The following KCNMB2 variants were observed in gnomAD, a reference collection of about 807,000 sequenced individuals.
The protein encoded by KCNMB2 is calcium-activated potassium channel subunit beta-2.
In KCNMB2, 9 loss-of-function variants were observed where a neutral mutation model predicts 24.5. The observed-to-expected ratio is 0.37, with a 90% CI of 0.22 to 0.64. The LOEUF is 0.64. KCNMB2 is among the 30% of genes least tolerant of loss of function. KCNMB2 has a pLI of 0.63. For synonymous variants in KCNMB2, 109 were observed against 104.4 expected, an observed-to-expected ratio of 1.04 and a Z score of -0.27; for missense variants, 226 against 284.3, an observed-to-expected ratio of 0.79 and a Z score of 1.47.
intron 3 of KCNMB2, 132 bp from the exon 4 acceptor site, chr3:178,828,046 A>T: frequency 1.4e-6 from 1 of 706,158 alleles, no homozygotes; most frequent in Non-Finnish European, 2.4e-6. Context: ...CCTAAACTTT[A>T]CACAGATAGA....
rs963958086 is a variant in KCNMB2 at position 178,553,497 on chromosome 3, C to G, written c.-68+16786C>G. Among the ~76,000 whole-genome samples, 3 of 150,752 alleles carry G rather than the reference C, an allele frequency of 2.0e-5. No homozygotes were observed. In the East Asian group the frequency reaches 5.8e-4, roughly 29 times the overall value. On this transcript the variant is annotated intron_variant, in intron 1 of 4. Transcript: ENST00000452583. ...GAGAGTTTTTGGCTGAGGAATGTCA[C>G]TCAGCACTGAGCATTCTCTGATCAG...
chr3:178,733,681 A>G (rs1021287287), intron 1 of KCNMB2, among the ~76,000 whole-genome samples: 3 of 151,920 alleles, frequency 2.0e-5, no homozygotes, highest in Non-Finnish European at 4.4e-5. Flanking sequence ...GGGTTTCGCC[A>G]TGTTAGCTAG....
At chr3:178,578,272 CA>C (rs1219780898) in intron 1 of KCNMB2, among the ~76,000 whole-genome samples, 1 of 152,180 alleles carries the variant, frequency 6.6e-6, no homozygotes, top group African/African-American at 2.4e-5. Flanking sequence ...CATATCCTGC[CA>C]AACTAAGCTT....
At chr3:178,612,639 A>T (rs1577048356) in intron 1 of KCNMB2, among the ~76,000 whole-genome samples, 2 of 152,202 alleles carry the variant, frequency 1.3e-5, no homozygotes, top group East Asian at 3.9e-4. Context: ...TCATAGATGT[A>T]GTATTTCCTG....
At chr3:178,714,508 G>T (rs571556887) in intron 1 of KCNMB2, among the ~76,000 whole-genome samples, 1 of 152,320 alleles carries the variant, frequency 6.6e-6, no homozygotes, top group Non-Finnish European at 1.5e-5. Context: ...GGTGATGACT[G>T]GGGAGGGTTC....
chr3:178,723,080 T>G (rs1460860250), intron 1 of KCNMB2, among the ~76,000 whole-genome samples: 1 of 152,194 alleles, frequency 6.6e-6, no homozygotes, highest in East Asian at 1.9e-4. Context: ...CATTCATCTA[T>G]GTGTCTATCC....
intron 1 of KCNMB2, among the ~76,000 whole-genome samples, chr3:178,608,975 T>C (rs779274401): frequency 6.6e-6 from 1 of 152,210 alleles, no homozygotes; most frequent in Admixed American, 6.5e-5. Context: ...CTCTTCAATA[T>C]ACTGATTTCC....
chr3:178,693,513 G>T (rs937028935), intron 1 of KCNMB2, among the ~76,000 whole-genome samples: 4 of 152,236 alleles, frequency 2.6e-5, no homozygotes, highest in African/African-American at 9.6e-5. Flanking sequence ...TAATTATGTG[G>T]TTTTTGTCTT....
rs192821702 is a variant in KCNMB2 at position 178,546,688 on chromosome 3, G to A, written c.-68+9977G>A. 5.8e-3 allele frequency among the ~76,000 whole-genome samples: 878 copies of A among 152,314 alleles called. 5 individuals carry two copies. Among genetic ancestry groups the A allele is most frequent in the Middle Eastern group, 0.031 (9 of 294 alleles). ...GGAAATAAGGCTAAAAGGTAGAAAA[G>A]AGCCATGCTAAGTAAGACCTTACAG... On this transcript the variant is annotated intron_variant, in intron 1 of 4. Transcript: ENST00000452583.
intron 1 of KCNMB2, among the ~76,000 whole-genome samples, chr3:178,619,436 A>G (rs1254902492): frequency 6.6e-6 from 1 of 152,208 alleles, no homozygotes; most frequent in Non-Finnish European, 1.5e-5. Context: ...TGGCTGCAAC[A>G]TGAAATTATC....
In KCNMB2 at chr3:178,573,306, G is replaced by A. The variant is rs982624629; in HGVS notation, c.-68+36595G>A. The stretch of plus-strand genomic sequence containing the variant: ...TTACAGGCATGAGCCACCACACCTG[G>A]CCAGAAATATTCTAAGTAACAACTC... On this transcript the variant is annotated intron_variant, in intron 1 of 4. Coordinates refer to ENST00000452583, the MANE Select transcript of KCNMB2 (RefSeq NM_181361.3). Among the ~76,000 whole-genome samples, 5 of 152,094 alleles carry A rather than the reference G, an allele frequency of 3.3e-5. No homozygotes were observed. In the East Asian group the frequency reaches 7.7e-4, roughly 23 times the overall value.
chr3:178,569,979 C>T (rs1716711433), intron 1 of KCNMB2, among the ~76,000 whole-genome samples: 1 of 152,094 alleles, frequency 6.6e-6, no homozygotes, highest in African/African-American at 2.4e-5. Flanking sequence ...CTATAGTATT[C>T]ATTGCAATAT....
chr3:178,603,445 A>C (rs1456294401), intron 1 of KCNMB2, among the ~76,000 whole-genome samples: 1 of 151,868 alleles, frequency 6.6e-6, no homozygotes, highest in Non-Finnish European at 1.5e-5. Flanking sequence ...TTTTGAAAAA[A>C]GAAATGGGTC....
At chr3:178,542,250 G>A (rs1211930457) in intron 1 of KCNMB2, among the ~76,000 whole-genome samples, 1 of 152,048 alleles carries the variant, frequency 6.6e-6, no homozygotes, top group African/African-American at 2.4e-5. Flanking sequence ...CATGATGTTG[G>A]GCAAGTTTCT....
At chr3:178,757,681 G>T (rs1478724704) in intron 1 of KCNMB2, among the ~76,000 whole-genome samples, 1 of 15,178 alleles carries the variant, frequency 6.6e-5, no homozygotes, top group Non-Finnish European at 1.2e-4. Context: ...TATCCAAGAG[G>T]ATATATATAT....
intron 3 of KCNMB2, 142 bp from the exon 4 acceptor site, chr3:178,828,036 C>T (rs1714901018): frequency 1.5e-6 from 1 of 651,146 alleles, no homozygotes. Context: ...TATTCGAAGG[C>T]CTAAACTTTA....
intron 1 of KCNMB2, among the ~76,000 whole-genome samples, chr3:178,677,641 T>C (rs902588068): frequency 2.6e-5 from 4 of 152,202 alleles, no homozygotes; most frequent in Non-Finnish European, 5.9e-5. Flanking sequence ...GAGAACCAGA[T>C]GTCAACTCAA....
At position 178,551,496 on chromosome 3, in the gene KCNMB2, C is replaced by T. The variant is rs1398632559; in HGVS notation, c.-68+14785C>T. Among the ~76,000 whole-genome samples the T allele has an allele frequency of 3.9e-5, 6 of 152,316 alleles. No individual in the cohort carries two copies. The East Asian group carries it at 1.2e-3, about 29-fold the overall frequency. On this transcript the variant is annotated intron_variant, in intron 1 of 4. Transcript: ENST00000452583. ...AACCCATCACTTCGGCCTTTCGAAC[C>T]TTCTTCACTAAGACATGTGCATTTT...
intron 1 of KCNMB2, among the ~76,000 whole-genome samples, chr3:178,718,450 T>C (rs926812702): frequency 2.0e-5 from 3 of 152,312 alleles, no homozygotes; most frequent in African/African-American, 7.2e-5. Context: ...CTCTCAGAAG[T>C]TAGGTAGGCC....
Sources: allele counts gnomAD v4.1 joint callset (sites outside exome capture counted in the v4.1 genomes callset), GRCh38; gene constraint gnomAD v4.1.1; transcripts MANE v1.5; gene names NCBI Gene and HGNC (gene_info 2026-07-23, HGNC 2026-07-21).